Variants in PARD3B observed in about 807,000 individuals in gnomAD.
PARD3B encodes par-3 family cell polarity regulator beta, also known as partitioning defective 3 homolog B.
Under a neutral mutation model 130.2 loss-of-function variants are expected in PARD3B, and 103 were observed. That is an observed-to-expected ratio of 0.79 (90% confidence interval 0.67 to 0.93). The LOEUF (loss-of-function observed/expected upper bound fraction) is 0.93, where lower values mean the gene tolerates loss of function less well. Ranked by LOEUF, PARD3B falls within the 40% of genes least tolerant of loss-of-function variation. PARD3B has a pLI of 0.00. For missense variants in PARD3B, 1,609 were observed against 1,499.2 expected (o/e 1.07, Z -1.21); for synonymous variants, 583 against 553.2 (o/e 1.05, Z -0.76).
At chr2:205,220,500 C>CTT (rs1293614413) in intron 15 of PARD3B, among the ~76,000 whole-genome samples, 1 of 152,160 alleles carries the variant, frequency 6.6e-6, no homozygotes, top group Non-Finnish European at 1.5e-5. Context: ...TCTGACCAGC[C>CTT]TTTTATTTAA....
At chr2:204,632,923 A>T (rs957646568) in intron 1 of PARD3B, among the ~76,000 whole-genome samples, 3 of 152,186 alleles carry the variant, frequency 2.0e-5, no homozygotes, top group Non-Finnish European at 4.4e-5. Context: ...CACGTACAGC[A>T]GCTGCTTCTA....
intron 21 of PARD3B, among the ~76,000 whole-genome samples, chr2:205,537,593 C>T (rs1282658847): frequency 6.6e-6 from 1 of 152,100 alleles, no homozygotes; most frequent in Admixed American, 6.5e-5. Flanking sequence ...GGGAGTTGCA[C>T]TCATTTAGGA....
intron 19 of PARD3B, among the ~76,000 whole-genome samples, chr2:205,437,998 G>T (rs934064624): frequency 2.0e-5 from 3 of 151,838 alleles, no homozygotes; most frequent in Non-Finnish European, 2.9e-5. Context: ...CTTCCGTCTT[G>T]GTCTCTTCTG....
chr2:204,880,359 C>G (rs1163293297), intron 2 of PARD3B, among the ~76,000 whole-genome samples: 1 of 152,008 alleles, frequency 6.6e-6, no homozygotes, highest in African/African-American at 2.4e-5. Flanking sequence ...TATGTACATG[C>G]AGTTTGAAAT....
chr2:205,115,731 A>G (rs985841329), intron 6 of PARD3B, among the ~76,000 whole-genome samples: 1 of 152,188 alleles, frequency 6.6e-6, no homozygotes, highest in Non-Finnish European at 1.5e-5. Flanking sequence ...GCAACTGTGT[A>G]TAGAGCATGT....
chr2:205,325,920 A>G lies in PARD3B; in HGVS notation c.2630+24219A>G, dbSNP rs1050900544. ...GAGCAAATAAACACAAAAACATCCTATCATCGTAGACTTCATTGCCTGTGT... is the reference window on the plus strand; with the variant it reads ...GAGCAAATAAACACAAAAACATCCTGTCATCGTAGACTTCATTGCCTGTGT... On this transcript the variant is annotated intron_variant, in intron 18 of 22. Coordinates refer to ENST00000406610, the MANE Select transcript of PARD3B (RefSeq NM_001302769.2). The surrounding 1 kb of genome is among the most constrained non-coding windows in gnomAD (Gnocchi z 4.1). Among the ~76,000 whole-genome samples the G allele has an allele frequency of 5.9e-5, 9 of 152,334 alleles. No homozygotes were observed. Among genetic ancestry groups the G allele is most frequent in the Non-Finnish European group, 8.8e-5 (6 of 68,040 alleles).
intron 1 of PARD3B, among the ~76,000 whole-genome samples, chr2:204,601,344 C>A (rs374039962): frequency 6.6e-6 from 1 of 151,840 alleles, no homozygotes; most frequent in East Asian, 1.9e-4. Context: ...GATGGGTTTT[C>A]CTTTCAAGTT....
rs985218659 is a variant in PARD3B, at chr2:205,591,607, C to T, written c.3261-23849C>T. Among the ~76,000 whole-genome samples the T allele has an allele frequency of 2.6e-5, 4 of 152,106 alleles. No individual in the cohort carries two copies. In the East Asian group the frequency reaches 7.7e-4, roughly 29 times the overall value. ...GAGGAAACATTCGTTCATTGGAAACCCAGAACTGTTGTTCCTAACCTCCCT... is the reference window on the plus strand; with the variant it reads ...GAGGAAACATTCGTTCATTGGAAACTCAGAACTGTTGTTCCTAACCTCCCT... On this transcript the variant is annotated intron_variant, in intron 22 of 22. Transcript: ENST00000406610. This position sits in a 1 kb window ranked among gnomAD's most constrained non-coding sequence, Gnocchi z 4.2.
At chr2:205,129,270 CTT>C (rs1559468146) in intron 10 of PARD3B, among the ~76,000 whole-genome samples, 1 of 152,168 alleles carries the variant, frequency 6.6e-6, no homozygotes, top group South Asian at 2.1e-4. Flanking sequence ...GAAAAGCACT[CTT>C]TTTCCAGCCC....
At chr2:205,031,291 C>G (rs1697405006) in intron 3 of PARD3B, among the ~76,000 whole-genome samples, 1 of 152,126 alleles carries the variant, frequency 6.6e-6, no homozygotes, top group African/African-American at 2.4e-5. Flanking sequence ...AATGAGATGA[C>G]CTAGACAAGC....
intron 2 of PARD3B, among the ~76,000 whole-genome samples, chr2:204,913,979 C>T (rs141777632): frequency 2.0e-5 from 3 of 152,296 alleles, no homozygotes; most frequent in Non-Finnish European, 4.4e-5. Flanking sequence ...TTAGCTTTTG[C>T]GTGTGTGCCC....
chr2:205,158,150 A>G lies in PARD3B; in HGVS notation c.1435-572A>G, dbSNP rs1006219435. ...GAAATTTCATTTGATGATATCCATT[A>G]TAAATCGTTTTTCTCTAACTTTAAA... On this transcript the variant is annotated intron_variant, in intron 10 of 22. Transcript: ENST00000406610. The surrounding 1 kb of genome is among the most constrained non-coding windows in gnomAD (Gnocchi z 5.4). 1.3e-5 allele frequency among the ~76,000 whole-genome samples: 2 copies of G among 152,246 alleles called. No individual in the cohort carries two copies. Among genetic ancestry groups the G allele is most frequent in the Non-Finnish European group, 2.9e-5 (2 of 68,040 alleles).
chr2:204,566,786 C>T (rs1357420846), intron 1 of PARD3B, among the ~76,000 whole-genome samples: 1 of 151,766 alleles, frequency 6.6e-6, no homozygotes, highest in Non-Finnish European at 1.5e-5. Flanking sequence ...TTCCATGGAT[C>T]AGAGGCCTCT....
intron 18 of PARD3B, among the ~76,000 whole-genome samples, chr2:205,317,025 C>G (rs2042586309): frequency 6.6e-6 from 1 of 152,122 alleles, no homozygotes; most frequent in Admixed American, 6.6e-5. Context: ...TACTCAAAAT[C>G]TAGTGCCCAC....
intron 4 of PARD3B, among the ~76,000 whole-genome samples, chr2:205,083,990 C>T (rs1331976154): frequency 1.3e-5 from 2 of 152,080 alleles, no homozygotes; most frequent in South Asian, 2.1e-4. Flanking sequence ...CTAACAGAAA[C>T]TCTTAAACAA....
chr2:204,969,720 T>G (rs1676767344), intron 3 of PARD3B, among the ~76,000 whole-genome samples: 2 of 152,228 alleles, frequency 1.3e-5, no homozygotes, highest in South Asian at 4.1e-4. Context: ...TCCATATATT[T>G]TAGGTACTAT....
intron 2 of PARD3B, among the ~76,000 whole-genome samples, chr2:204,721,901 T>C (rs1472244771): frequency 6.6e-6 from 1 of 152,176 alleles, no homozygotes; most frequent in Admixed American, 6.5e-5. Flanking sequence ...TGTGACCCTC[T>C]ATCTCCAGTT....
chr2:205,052,217 T>C (rs1356338366), intron 4 of PARD3B, among the ~76,000 whole-genome samples: 1 of 151,912 alleles, frequency 6.6e-6, no homozygotes, highest in Non-Finnish European at 1.5e-5. Flanking sequence ...TTTTAATGAC[T>C]GTTTATGGTT....
At chr2:204,925,610 A>G (rs977649167) in intron 2 of PARD3B, among the ~76,000 whole-genome samples, 4 of 152,156 alleles carry the variant, frequency 2.6e-5, no homozygotes, top group African/African-American at 9.7e-5. Flanking sequence ...TTCAGAAGGA[A>G]TAAGCTAGTC....
Sources: allele counts gnomAD v4.1 joint callset (sites outside exome capture counted in the v4.1 genomes callset), GRCh38; gene constraint gnomAD v4.1.1; non-coding constraint Gnocchi (gnomAD v3.1); transcripts MANE v1.5; gene names NCBI Gene and HGNC (gene_info 2026-07-23, HGNC 2026-07-21).